BTG4: variants seen among roughly 807,000 people sequenced by gnomAD.
The protein encoded by BTG4 is BTG anti-proliferation factor 4.
BTG4 carries 10 observed loss-of-function variants against 19.3 expected under a neutral mutation model. The ratio of observed to expected loss-of-function variants is 0.52; its 90% CI spans 0.32 to 0.88. BTG4 has a LOEUF of 0.88. Among genes scored for constraint, BTG4 ranks in the 40% least tolerant of loss-of-function variants. The pLI is 0.04. For missense variants in BTG4, 238 were observed against 281.9 expected, an observed-to-expected ratio of 0.84 and a Z score of 1.11; for synonymous variants, 91 against 95.7, an observed-to-expected ratio of 0.95 and a Z score of 0.29.
intron 5 of BTG4, among the ~76,000 whole-genome samples, chr11:111,472,767 A>C (rs1256022291): frequency 1.3e-5 from 2 of 152,208 alleles, no homozygotes; most frequent in Non-Finnish European, 2.9e-5. Context: ...TGTAAGCTCC[A>C]TGAGGGCAGA....
At position 111,494,898 on chromosome 11, in the gene BTG4, T is replaced by A. The variant is rs1321805248; in HGVS notation, c.*237A>T. ...TTAGAGGTCAACATCTTCATTCTGT[T>A]ACCTTACTGGGTACATTCACTGATG... On this transcript the variant is annotated 3_prime_UTR_variant, in exon 5 of 5. Coordinates refer to ENST00000692032, the MANE Select transcript of BTG4 (RefSeq NM_001367975.1). The A allele has an allele frequency of 2.0e-6, 2 of 984,672 alleles. No homozygotes were observed. The highest frequency in any genetic ancestry group is 2.4e-6 in the Non-Finnish European group (2 of 829,320). The allele number at this position is 984,672 out of a possible 1,614,324, so 61.0% of individuals were successfully genotyped here.
chr11:111,466,807 A>C (rs1863746801), downstream of BTG4: 1 of 152,654 alleles, frequency 6.6e-6, no homozygotes, highest in Non-Finnish European at 1.5e-5. Context: ...ATAACTGTGC[A>C]ACCCACTGAC....
At chr11:111,419,896 G>C in the BTG4 span, among the ~76,000 whole-genome samples, 1 of 152,244 alleles carries the variant, frequency 6.6e-6, no homozygotes, top group Non-Finnish European at 1.5e-5. Flanking sequence ...ATTGGAAAAA[G>C]AGTACGGGAT....
chr11:111,387,919 T>C, the BTG4 span, among the ~76,000 whole-genome samples: 1 of 152,100 alleles, frequency 6.6e-6, no homozygotes, highest in Non-Finnish European at 1.5e-5. Flanking sequence ...CACCACACAC[T>C]GAACAATGGG....
intron 1 of BTG4, among the ~76,000 whole-genome samples, chr11:111,500,306 G>T (rs1013285754): frequency 9.2e-5 from 14 of 152,248 alleles, no homozygotes; most frequent in African/African-American, 3.4e-4. Flanking sequence ...CCTGACATAC[G>T]TTAAGTCTTT....
the BTG4 span, among the ~76,000 whole-genome samples, chr11:111,436,306 C>G: frequency 6.6e-6 from 1 of 152,132 alleles, no homozygotes; most frequent in Non-Finnish European, 1.5e-5. Flanking sequence ...GCTTTTTAGA[C>G]CTGGCAACTG....
At chr11:111,471,295 A>G (rs1275357583) in intron 5 of BTG4, among the ~76,000 whole-genome samples, 1 of 152,178 alleles carries the variant, frequency 6.6e-6, no homozygotes, top group Non-Finnish European at 1.5e-5. Context: ...TCCCGTACAC[A>G]TATCTCCATC....
the BTG4 span, among the ~76,000 whole-genome samples, chr11:111,433,017 G>C: frequency 6.6e-6 from 1 of 152,074 alleles, no homozygotes; most frequent in African/African-American, 2.4e-5. Flanking sequence ...GTCTCCCCTG[G>C]AAGTAGTTGT....
intron 5 of BTG4, among the ~76,000 whole-genome samples, chr11:111,483,007 G>T (rs1864834719): frequency 6.6e-6 from 1 of 152,138 alleles, no homozygotes; most frequent in African/African-American, 2.4e-5. Flanking sequence ...GTCTGAGCAA[G>T]ATGGCCTAAT....
chr11:111,461,604 C>G, the BTG4 span, among the ~76,000 whole-genome samples: 19 of 152,264 alleles, frequency 1.2e-4, no homozygotes, highest in African/African-American at 4.6e-4. Flanking sequence ...ATCCCAGCTA[C>G]TTGGGGGGCT....
chr11:111,447,629 A>G, the BTG4 span, among the ~76,000 whole-genome samples: 1 of 152,182 alleles, frequency 6.6e-6, no homozygotes, highest in African/African-American at 2.4e-5. Context: ...TAGGAGATAG[A>G]GAAGAACCGT....
chr11:111,451,402 G>A, the BTG4 span: 5 of 453,676 alleles, frequency 1.1e-5, no homozygotes, highest in South Asian at 3.1e-5. Context: ...AACCGACATC[G>A]GAAGATGGTT....
chr11:111,498,630 A>G lies in BTG4; in HGVS notation c.147T>C (p.Asp49=), dbSNP rs756742376. 1.2e-6 allele frequency: 2 copies of G among 1,613,592 alleles called. No homozygotes were observed. The highest frequency in any genetic ancestry group is 2.2e-5 in the South Asian group (2 of 90,776). The change falls in exon 2 of 5, where the codon GAT becomes GAC. Residue 49 remains aspartate (D), a synonymous_variant. Coordinates refer to ENST00000692032, the MANE Select transcript of BTG4 (RefSeq NM_001367975.1). ...FETYRSHWHS[D]CPSKGQAFRC... is the part of the protein sequence containing the mutation. ...TGAAGGCTTGCCCTTTAGAAGGGCAATCAGAGTGCCAGTGACTTCTGTATG... is the reference window on the plus strand; with the variant it reads ...TGAAGGCTTGCCCTTTAGAAGGGCAGTCAGAGTGCCAGTGACTTCTGTATG...
At chr11:111,432,370 A>G in the BTG4 span, among the ~76,000 whole-genome samples, 1 of 152,228 alleles carries the variant, frequency 6.6e-6, no homozygotes, top group Admixed American at 6.5e-5. Flanking sequence ...CAGGCCAAGC[A>G]CAGTGTCTCA....
the BTG4 span, among the ~76,000 whole-genome samples, chr11:111,447,627 A>G: frequency 3.3e-5 from 5 of 152,202 alleles, no homozygotes; most frequent in African/African-American, 1.2e-4. Context: ...GATAGGAGAT[A>G]GAGAAGAACC....
At position 111,497,278 on chromosome 11, in the gene BTG4, T is replaced by G; in HGVS notation, c.443A>C (p.Asp148Ala). The G allele has an allele frequency of 6.2e-7, 1 of 1,612,024 alleles. No homozygotes were observed. The highest frequency in any genetic ancestry group is 8.5e-7 in the Non-Finnish European group (1 of 1,179,266). ...SSDVSSGTSC[D>A]EESCSKEPRV... The stretch of plus-strand genomic sequence containing the variant: ...AGGTTCCTTGCTACAACTTTCTTCA[T>G]CGCAGGAAGTGCCAGAGGAAACGTC... Residue 148 changes from aspartate to alanine, a missense_variant, in exon 4 of 5, where the codon GAT (aspartate) becomes GCT (alanine). Physicochemically the swap from Asp to Ala is moderately radical, Grantham distance 126. Transcript: ENST00000692032.
downstream of BTG4, among the ~76,000 whole-genome samples, chr11:111,489,955 G>T (rs867580362): frequency 6.6e-6 from 1 of 151,952 alleles, no homozygotes; most frequent in Non-Finnish European, 1.5e-5. Flanking sequence ...GACCATAGTC[G>T]ATAAGTTACT....
the BTG4 span, among the ~76,000 whole-genome samples, chr11:111,435,268 C>G: frequency 6.6e-6 from 1 of 152,184 alleles, no homozygotes; most frequent in Admixed American, 6.5e-5. Flanking sequence ...AGCCCTGCCC[C>G]ACTCTCAAGG....
At chr11:111,404,406 G>A in the BTG4 span, among the ~76,000 whole-genome samples, 2 of 152,186 alleles carry the variant, frequency 1.3e-5, no homozygotes, top group African/African-American at 2.4e-5. Context: ...AGAAAGGGCT[G>A]CGGCCCATCA....
Sources: allele counts gnomAD v4.1 joint callset (sites outside exome capture counted in the v4.1 genomes callset), GRCh38; gene constraint gnomAD v4.1.1; transcripts MANE v1.5; gene names NCBI Gene and HGNC (gene_info 2026-07-23, HGNC 2026-07-21).